Variants in MACROH2A1 observed in about 807,000 individuals in gnomAD.
The protein encoded by MACROH2A1 is macroH2A.1 histone.
Under a neutral mutation model 31.6 loss-of-function variants are expected in MACROH2A1, and 2 were observed. The ratio of observed to expected loss-of-function variants is 0.06; its 90% CI spans 0.03 to 0.20. The LOEUF is 0.20. Ranked by LOEUF, MACROH2A1 falls within the 10% of genes least tolerant of loss-of-function variation. The probability of loss-of-function intolerance (pLI) is 1.00; values close to 1 mark genes in which losing one functional copy is unlikely to be tolerated. For synonymous variants in MACROH2A1, 169 were observed against 189.6 expected, an observed-to-expected ratio of 0.89 and a Z score of 0.89; for missense variants, 230 against 474.0, an observed-to-expected ratio of 0.49 and a Z score of 4.78.
intron 2 of MACROH2A1, among the ~76,000 whole-genome samples, chr5:135,387,497 G>T (rs1748826921): frequency 6.6e-6 from 1 of 152,148 alleles, no homozygotes; most frequent in Admixed American, 6.5e-5. Flanking sequence ...CGCTTTGGGA[G>T]AGGTACCCTG....
At chr5:135,391,024 G>A (rs759255877) in intron 1 of MACROH2A1, among the ~76,000 whole-genome samples, 23 of 152,204 alleles carry the variant, frequency 1.5e-4, no homozygotes, top group Non-Finnish European at 2.6e-4. Context: ...GGGCTAGAGA[G>A]ACCCAGAAGG....
At chr5:135,366,156 A>G (rs556442089) in intron 4 of MACROH2A1, among the ~76,000 whole-genome samples, 27 of 152,354 alleles carry the variant, frequency 1.8e-4, no homozygotes, top group East Asian at 1.2e-3. Flanking sequence ...AGGCTTTCCC[A>G]GCCATGTGGA....
intron 6 of MACROH2A1, chr5:135,346,665 A>G (rs1205874484): frequency 6.6e-6 from 1 of 152,336 alleles, no homozygotes; most frequent in Non-Finnish European, 1.5e-5. Flanking sequence ...TTTCTTAATT[A>G]CACTAATGAT....
chr5:135,394,685 A>T (rs910168242), intron 1 of MACROH2A1, among the ~76,000 whole-genome samples: 1 of 152,156 alleles, frequency 6.6e-6, no homozygotes, highest in Non-Finnish European at 1.5e-5. Context: ...CCATTTACAT[A>T]TAAGTTCTGA....
chr5:135,346,311 A>G (rs978480640), intron 6 of MACROH2A1: 8 of 492,068 alleles, frequency 1.6e-5, no homozygotes, highest in African/African-American at 1.6e-4. Flanking sequence ...CAGGGTGATC[A>G]TGGATGTGCC....
chr5:135,345,937 C>G, intron 7 of MACROH2A1, 31 bp downstream of exon 7: 1 of 1,450,970 alleles, frequency 6.9e-7, no homozygotes. Flanking sequence ...TGTGTCACAA[C>G]CAGATAAGCA....
Position 135,369,282 on chromosome 5 carries a change from G to T in MACROH2A1, c.477+124C>A. The T allele has an allele frequency of 1.2e-6, 1 of 811,572 alleles. No individual in the cohort carries two copies. The highest frequency in any genetic ancestry group is 1.6e-5 in the South Asian group (1 of 62,702). 50.3% of individuals were successfully genotyped at this position (811,572 alleles called of 1,614,324 possible). On this transcript the variant is annotated intron_variant, in intron 4 of 8. Coordinates refer to ENST00000511689, the MANE Select transcript of MACROH2A1 (RefSeq NM_138610.3). This position sits in a 1 kb window ranked among gnomAD's most constrained non-coding sequence, Gnocchi z 4.3. ...TCTGGAGAGTAATCAGCTCCTACAT[G>T]TTCCTCCTTTATTCTCCCATCAGTG...
chr5:135,368,202 G>A (rs551228160), intron 4 of MACROH2A1, among the ~76,000 whole-genome samples: 35 of 152,364 alleles, frequency 2.3e-4, no homozygotes, highest in Non-Finnish European at 7.3e-5. Flanking sequence ...CAGTGTGGAT[G>A]CAAGAAGGTT....
chr5:135,377,276 C>G (rs1765001425), intron 2 of MACROH2A1, among the ~76,000 whole-genome samples: 1 of 152,206 alleles, frequency 6.6e-6, no homozygotes. Flanking sequence ...GGACCTCTGA[C>G]CCACCAATCA....
chr5:135,397,374 A>T (rs1768158402), intron 1 of MACROH2A1, among the ~76,000 whole-genome samples: 1 of 152,168 alleles, frequency 6.6e-6, no homozygotes, highest in African/African-American at 2.4e-5. Flanking sequence ...GTATACTAGA[A>T]TGTCACATGT....
intron 2 of MACROH2A1, among the ~76,000 whole-genome samples, chr5:135,388,254 G>A (rs896122705): frequency 2.6e-5 from 4 of 151,864 alleles, no homozygotes; most frequent in East Asian, 1.9e-4. Context: ...GTGAAATACC[G>A]TGGTACAGGA....
In MACROH2A1 at chr5:135,355,427, A is replaced by G. The variant is rs1275967116; in HGVS notation, c.589-2382T>C. ...ACTCTTCACATCTGTGGATGAGGCT[A>G]GAGCTGTGATTTTCCAACTATGCTC... On this transcript the variant is annotated intron_variant, in intron 5 of 8. Transcript: ENST00000511689. 3 of 359,282 alleles carry G rather than the reference A, an allele frequency of 8.3e-6. No homozygotes were observed. The Admixed American group carries it at 1.1e-4, about 13-fold the overall frequency. The allele number at this position is 359,282 out of a possible 1,614,324, so 22.3% of individuals were successfully genotyped here.
At chr5:135,341,208 T>C (rs1049345686) in intron 8 of MACROH2A1, among the ~76,000 whole-genome samples, 1 of 152,210 alleles carries the variant, frequency 6.6e-6, no homozygotes, top group Admixed American at 6.5e-5. Flanking sequence ...GCAGTCCCTA[T>C]AGCCTCACTT....
Position 135,334,937 on chromosome 5 carries a change from G to A in MACROH2A1, c.*39C>T, listed in dbSNP as rs767382358. ...ATTTTTTTTTTCTTTTAAACTGAAG[G>A]TGGGGTACATGGTGCAGCTGGTTCT... is the stretch of plus-strand genomic sequence containing the variant. On this transcript the variant is annotated 3_prime_UTR_variant, in exon 9 of 9. Transcript: ENST00000511689. 1.9e-6 allele frequency: 3 copies of A among 1,556,708 alleles called. No individual in the cohort carries two copies. In the East Asian group the frequency reaches 6.8e-5, roughly 35 times the overall value.
Position 135,334,735 on chromosome 5 carries a change from T to C in MACROH2A1, c.*241A>G, listed in dbSNP as rs1471004891. ...AACTATAAAATCTCCTAGGTTACACTAAGTCAGACACGGTCTGGAACACAG... is the reference window on the plus strand; with the variant it reads ...AACTATAAAATCTCCTAGGTTACACCAAGTCAGACACGGTCTGGAACACAG... On this transcript the variant is annotated 3_prime_UTR_variant, in exon 9 of 9. Coordinates refer to ENST00000511689, the MANE Select transcript of MACROH2A1 (RefSeq NM_138610.3). 4 of 436,500 alleles carry C rather than the reference T, an allele frequency of 9.2e-6. No homozygotes were observed. The East Asian group carries it at 1.5e-4, about 16-fold the overall frequency. The allele number at this position is 436,500 out of a possible 1,614,324, so 27.0% of individuals were successfully genotyped here.
At chr5:135,335,270 G>C in intron 8 of MACROH2A1, 129 bp from the exon 9 acceptor site, 1 of 660,246 alleles carries the variant, frequency 1.5e-6, no homozygotes, top group Non-Finnish European at 2.6e-6. Flanking sequence ...GTTGAGCCCC[G>C]TGTCTGCTTG....
At chr5:135,361,193 C>G (rs1411635509) in intron 4 of MACROH2A1, 2 of 173,794 alleles carry the variant, frequency 1.2e-5, no homozygotes, top group African/African-American at 4.8e-5. Flanking sequence ...GCTTCTTCCT[C>G]AGCATTATTA....
chr5:135,361,979 C>T (rs1181620179), intron 4 of MACROH2A1: 1 of 152,146 alleles, frequency 6.6e-6, no homozygotes, highest in African/African-American at 2.4e-5. Context: ...ATATACATTA[C>T]AAATTATCAC....
Position 135,369,298 on chromosome 5 carries a change from C to T in MACROH2A1, c.477+108G>A. On this transcript the variant is annotated intron_variant, in intron 4 of 8. Coordinates refer to ENST00000511689, the MANE Select transcript of MACROH2A1 (RefSeq NM_138610.3). This position sits in a 1 kb window ranked among gnomAD's most constrained non-coding sequence, Gnocchi z 4.3. ...CTCCTACATGTTCCTCCTTTATTCT[C>T]CCATCAGTGGGATGAGCCCACAGGG... The T allele has an allele frequency of 1.1e-6, 1 of 880,124 alleles. No individual in the cohort carries two copies. The highest frequency in any genetic ancestry group is 1.9e-6 in the Non-Finnish European group (1 of 533,860). The allele number at this position is 880,124 out of a possible 1,614,324, so 54.5% of individuals were successfully genotyped here. A position where few individuals can be genotyped will look rare whatever the true frequency, so the allele number is the denominator to read the frequency against.
Sources: gnomAD v4.1 joint callset for allele counts (sites outside exome capture counted in the v4.1 genomes callset) on GRCh38, gnomAD v4.1.1 for gene constraint, Gnocchi (gnomAD v3.1) non-coding constraint, MANE v1.5 for transcripts, NCBI Gene and HGNC (gene_info 2026-07-23, HGNC 2026-07-21) for gene names.